Variants in CDS2 observed in about 807,000 individuals in gnomAD.
CDS2 encodes the protein phosphatidate cytidylyltransferase 2.
Under a neutral mutation model 59.0 loss-of-function variants are expected in CDS2, and 47 were observed. The ratio of observed to expected loss-of-function variants is 0.80; its 90% confidence interval spans 0.63 to 1.02. CDS2 has a LOEUF of 1.02. Among genes scored for constraint, CDS2 ranks in the 50% least tolerant of loss-of-function variants. CDS2 has a pLI of 0.00. For synonymous variants in CDS2, 207 were observed against 206.4 expected, an observed-to-expected ratio of 1.00 and a Z score of -0.02; for missense variants, 356 against 558.9, an observed-to-expected ratio of 0.64 and a Z score of 3.66.
chr20:5,169,624 A>G (rs1164173627), intron 1 of CDS2, among the ~76,000 whole-genome samples: 1 of 152,232 alleles, frequency 6.6e-6, no homozygotes, highest in African/African-American at 2.4e-5. Context: ...CCCAGTTTAC[A>G]CTCATGAACA....
rs2091153353 is a variant in CDS2 at position 5,195,848 on chromosome 20, T to A, written c.*5614T>A. 6.6e-6 allele frequency: 1 copy of A among 152,124 alleles called. No homozygotes were observed. Among genetic ancestry groups the A allele is most frequent in the South Asian group, 2.1e-4 (1 of 4,818 alleles). 9.4% of individuals were successfully genotyped at this position (152,124 alleles called of 1,614,324 possible). ...CATGATGTGAGGTATTTCTGCCGGA[T>A]TCTAGGTTAGCAAAGACTCAAATGG... On this transcript the variant is annotated 3_prime_UTR_variant, in exon 13 of 13. Transcript: ENST00000460006.
At chr20:5,185,681 T>C in intron 8 of CDS2, 77 bp from the exon 9 acceptor site, 2 of 1,302,924 alleles carry the variant, frequency 1.5e-6, no homozygotes, top group Non-Finnish European at 1.1e-6. Context: ...AAAGAAAGGT[T>C]CTTAACAAGT....
intron 1 of CDS2, among the ~76,000 whole-genome samples, chr20:5,156,167 G>C (rs963014672): frequency 6.6e-6 from 1 of 152,154 alleles, no homozygotes; most frequent in Non-Finnish European, 1.5e-5. Context: ...TGATCTGCAG[G>C]CTTCAGCAAG....
rs1244606196 is a variant in CDS2 at position 5,191,775 on chromosome 20, C to T, written c.*1541C>T. On this transcript the variant is annotated 3_prime_UTR_variant, in exon 13 of 13. Transcript: ENST00000460006. ...GTGTGGGGCTGAAGCGGCTTCTTTCCGCTGAACTTTTATTTCCATTTCAGC... is the reference window on the plus strand; with the variant it reads ...GTGTGGGGCTGAAGCGGCTTCTTTCTGCTGAACTTTTATTTCCATTTCAGC... 2.6e-5 allele frequency: 4 copies of T among 152,184 alleles called. No homozygotes were observed. The highest frequency in any genetic ancestry group is 4.8e-5 in the African/African-American group (2 of 41,438). 9.4% of individuals were successfully genotyped at this position (152,184 alleles called of 1,614,324 possible). A position where few individuals can be genotyped will look rare whatever the true frequency, so the allele number is the denominator to read the frequency against.
At position 5,191,781 on chromosome 20, in the gene CDS2, A is replaced by G. The variant is rs965215000; in HGVS notation, c.*1547A>G. 3.9e-5 allele frequency: 6 copies of G among 152,154 alleles called. No homozygotes were observed. Among genetic ancestry groups the G allele is most frequent in the Non-Finnish European group, 7.4e-5 (5 of 68,020 alleles). The allele number at this position is 152,154 out of a possible 1,614,324, so 9.4% of individuals were successfully genotyped here. A position where few individuals can be genotyped will look rare whatever the true frequency, so the allele number is the denominator to read the frequency against. Reference sequence around the variant, plus strand: ...GGCTGAAGCGGCTTCTTTCCGCTGAACTTTTATTTCCATTTCAGCCTCGTG... The same window carrying G: ...GGCTGAAGCGGCTTCTTTCCGCTGAGCTTTTATTTCCATTTCAGCCTCGTG... On this transcript the variant is annotated 3_prime_UTR_variant, in exon 13 of 13. Transcript: ENST00000460006.
intron 1 of CDS2, among the ~76,000 whole-genome samples, chr20:5,136,194 T>A (rs2090648435): frequency 6.6e-6 from 1 of 151,412 alleles, no homozygotes; most frequent in Non-Finnish European, 1.5e-5. Flanking sequence ...GTGGTTTCAG[T>A]GGTCTACAAG....
At chr20:5,164,541 C>T (rs1280953259) in intron 1 of CDS2, among the ~76,000 whole-genome samples, 1 of 151,528 alleles carries the variant, frequency 6.6e-6, no homozygotes. Context: ...TTTGAGATTG[C>T]GAATATATTT....
intron 1 of CDS2, among the ~76,000 whole-genome samples, chr20:5,151,629 G>A (rs1966092858): frequency 6.6e-6 from 1 of 151,684 alleles, no homozygotes; most frequent in Non-Finnish European, 1.5e-5. Flanking sequence ...TGTAGAGGTG[G>A]GGTCTTGCTG....
chr20:5,143,606 T>C (rs546469684), intron 1 of CDS2, among the ~76,000 whole-genome samples: 1 of 151,802 alleles, frequency 6.6e-6, no homozygotes, highest in Non-Finnish European at 1.5e-5. Context: ...TCAGTTCTTT[T>C]TCTTTTTCTT....
chr20:5,148,762 C>T (rs964506144), intron 1 of CDS2, among the ~76,000 whole-genome samples: 1 of 152,182 alleles, frequency 6.6e-6, no homozygotes. Context: ...ATTTTGGGAG[C>T]GTAAAAGCCG....
At chr20:5,178,433 T>C (rs2091009481) in intron 4 of CDS2, among the ~76,000 whole-genome samples, 1 of 151,962 alleles carries the variant, frequency 6.6e-6, no homozygotes, top group Non-Finnish European at 1.5e-5. Flanking sequence ...GAAGAAACCA[T>C]TTTGATAGGA....
rs373179877 is a variant in CDS2 at position 5,131,062 on chromosome 20, C to T, written c.57+3913C>T. Among the ~76,000 whole-genome samples, 10 of 148,330 alleles carry T rather than the reference C, an allele frequency of 6.7e-5. No homozygotes were observed. In the South Asian group the frequency reaches 2.1e-3, roughly 31 times the overall value. The stretch of plus-strand genomic sequence containing the variant: ...GAGCCGAGATGGCGCCACTGCACGC[C>T]AGCCTGGGCGACAGAGCAAGACTCT... On this transcript the variant is annotated intron_variant, in intron 1 of 12. Transcript: ENST00000460006.
chr20:5,184,739 T>G lies in CDS2; in HGVS notation c.672-119T>G. 5 of 797,350 alleles carry G rather than the reference T, an allele frequency of 6.3e-6. No individual in the cohort carries two copies. The South Asian group carries it at 7.4e-5, about 12-fold the overall frequency. The allele number at this position is 797,350 out of a possible 1,614,324, so 49.4% of individuals were successfully genotyped here. A position where few individuals can be genotyped will look rare whatever the true frequency, so the allele number is the denominator to read the frequency against. ...TTTATGTTTTTAACTTACTCCTTAATGGGTTACCAGAATTTTATGGGTGAT... is the reference window on the plus strand; with the variant it reads ...TTTATGTTTTTAACTTACTCCTTAAGGGGTTACCAGAATTTTATGGGTGAT... On this transcript the variant is annotated intron_variant, in intron 7 of 12. Coordinates refer to ENST00000460006, the MANE Select transcript of CDS2 (RefSeq NM_003818.4). The surrounding 1 kb of genome is among the most constrained non-coding windows in gnomAD (Gnocchi z 4.3).
At chr20:5,145,822 G>GGTTTTTTTTTTTTTTTTTTTT (rs773575866) in intron 1 of CDS2, among the ~76,000 whole-genome samples, 4 of 129,254 alleles carry the variant, frequency 3.1e-5, no homozygotes, top group Admixed American at 7.9e-5. Context: ...TGCTTTTTGT[G>GGTTTTTTTTTTTTTTTTTTTT]TTTTTTTTTT....
intron 1 of CDS2, among the ~76,000 whole-genome samples, chr20:5,157,025 A>C (rs1332383084): frequency 2.0e-5 from 3 of 152,142 alleles, no homozygotes; most frequent in Non-Finnish European, 4.4e-5. Context: ...TCCAAAGCAA[A>C]ATAAAGGGAC....
chr20:5,175,288 C>T lies in CDS2; in HGVS notation c.291+9C>T, dbSNP rs768169052. Reference sequence around the variant, plus strand: ...TGGTTTTGATGATAATCGTAAGTGCCATTTCACACTATTTTAGTTTTCCCT... The same window carrying T: ...TGGTTTTGATGATAATCGTAAGTGCTATTTCACACTATTTTAGTTTTCCCT... On this transcript the variant is annotated intron_variant, in intron 3 of 12. Transcript: ENST00000460006. 1 of 1,604,448 alleles carries T rather than the reference C, an allele frequency of 6.2e-7. No homozygotes were observed. The highest frequency in any genetic ancestry group is 1.3e-5 in the African/African-American group (1 of 74,700).
At chr20:5,132,823 A>T (rs773556234) in intron 1 of CDS2, among the ~76,000 whole-genome samples, 9 of 152,134 alleles carry the variant, frequency 5.9e-5, no homozygotes, top group Non-Finnish European at 1.3e-4. Context: ...TTTTTCCAAA[A>T]TCTATTTTTA....
At chr20:5,168,642 G>A in intron 1 of CDS2, 1 of 518,568 alleles carries the variant, frequency 1.9e-6, no homozygotes, top group Non-Finnish European at 3.9e-6. Flanking sequence ...AAGACCGAAA[G>A]GGAGCCTCAG....
At chr20:5,146,050 T>A (rs569892579) in intron 1 of CDS2, among the ~76,000 whole-genome samples, 8 of 152,256 alleles carry the variant, frequency 5.3e-5, no homozygotes, top group African/African-American at 1.9e-4. Context: ...CTCAAACTCC[T>A]GGGCTCAAGT....
Sources: gnomAD v4.1 joint callset for allele counts (sites outside exome capture counted in the v4.1 genomes callset) on GRCh38, gnomAD v4.1.1 for gene constraint, Gnocchi (gnomAD v3.1) non-coding constraint, MANE v1.5 for transcripts, NCBI Gene and HGNC (gene_info 2026-07-23, HGNC 2026-07-21) for gene names.